SFT2D1: variants seen among roughly 807,000 people sequenced by gnomAD.
The protein encoded by SFT2D1 is vesicle transport protein SFT2A.
Under a neutral mutation model 28.1 loss-of-function variants are expected in SFT2D1, and 24 were observed. That is an observed-to-expected ratio of 0.85 (90% CI 0.62 to 1.20). The LOEUF (loss-of-function observed/expected upper bound fraction) is 1.20. Among genes scored for constraint, SFT2D1 ranks in the 50% most tolerant of loss-of-function variants. SFT2D1 has a pLI of 0.00. For missense variants in SFT2D1, 181 were observed against 190.9 expected, an observed-to-expected ratio of 0.95 and a Z score of 0.31; for synonymous variants, 82 against 73.7, an observed-to-expected ratio of 1.11 and a Z score of -0.58.
chr6:166,335,213 A>G (rs1364209602), intron 1 of SFT2D1: 8 of 611,626 alleles, frequency 1.3e-5, no homozygotes, highest in Non-Finnish European at 2.4e-5. Context: ...GGTGGGAATG[A>G]CAACTTCGGT....
At chr6:166,324,108 T>C (rs1778401564) in intron 6 of SFT2D1, 2 of 156,068 alleles carry the variant, frequency 1.3e-5, no homozygotes, top group South Asian at 2.0e-4. Flanking sequence ...AGAAGACATC[T>C]CCAGATATCA....
chr6:166,335,831 G>A (rs990637401), intron 1 of SFT2D1, among the ~76,000 whole-genome samples: 1 of 152,202 alleles, frequency 6.6e-6, no homozygotes. Flanking sequence ...CAAGAGATTT[G>A]TGAACTCAGT....
rs370358469 is a variant in SFT2D1 at position 166,330,266 on chromosome 6, A to C, written c.64-19T>G. ...CCAGGACCTTAATAAAAAATGGGAA[A>C]ATTTAGAATATAGTCTTAATTCACT... On this transcript the variant is annotated intron_variant, in intron 1 of 7. Transcript: ENST00000361731. 9 of 1,517,988 alleles carry C rather than the reference A, an allele frequency of 5.9e-6. No homozygotes were observed. Among genetic ancestry groups the C allele is most frequent in the Non-Finnish European group, 8.1e-6 (9 of 1,112,858 alleles). 94.0% of individuals were successfully genotyped at this position (1,517,988 alleles called of 1,614,324 possible).
chr6:166,324,755 T>C (rs902535629), intron 5 of SFT2D1, 160 bp from the exon 6 acceptor site: 42 of 650,008 alleles, frequency 6.5e-5, no homozygotes, highest in Non-Finnish European at 6.2e-5. Context: ...ATCTGAAACT[T>C]TAAAACCCAA....
chr6:166,321,642 AT>A (rs755687160), intron 7 of SFT2D1, among the ~76,000 whole-genome samples: 1 of 152,218 alleles, frequency 6.6e-6, no homozygotes, highest in Non-Finnish European at 1.5e-5. Context: ...ATTAAAGACA[AT>A]TTTGCTGTTT....
intron 7 of SFT2D1, among the ~76,000 whole-genome samples, chr6:166,321,783 T>C (rs1220448980): frequency 1.3e-5 from 2 of 152,262 alleles, no homozygotes; most frequent in African/African-American, 4.8e-5. Context: ...AATACATTTC[T>C]CTGGAAAAAT....
chr6:166,342,470 C>G lies in SFT2D1; in HGVS notation c.12G>C (p.Leu4=), dbSNP rs770925281. 3 of 1,555,536 alleles carry G rather than the reference C, an allele frequency of 1.9e-6. 1 individual carries two copies. The South Asian group carries it at 3.6e-5, about 18-fold the overall frequency. Residue 4 remains leucine (L), a synonymous_variant, in exon 1 of 8, where the codon CTG becomes CTC. Coordinates refer to ENST00000361731, the MANE Select transcript of SFT2D1 (RefSeq NM_145169.3). ...CGTCCTGGCCGCTCAGGACTCGCCG[C>G]AGCTTCTCCATGGCCCTGTTACAGG... MEK[L]RRVLSGQDDE...
At chr6:166,325,620 C>T (rs1778430907) in intron 5 of SFT2D1, among the ~76,000 whole-genome samples, 1 of 152,248 alleles carries the variant, frequency 6.6e-6, no homozygotes, top group South Asian at 2.1e-4. Flanking sequence ...ACTGCAGACT[C>T]ACAGCGCACC....
chr6:166,331,798 T>C (rs1290521830), intron 1 of SFT2D1, among the ~76,000 whole-genome samples: 1 of 152,252 alleles, frequency 6.6e-6, no homozygotes, highest in Non-Finnish European at 1.5e-5. Flanking sequence ...ATATAACTTT[T>C]ATTTGTCAAT....
intron 1 of SFT2D1, among the ~76,000 whole-genome samples, chr6:166,340,558 T>C (rs1468253410): frequency 6.6e-6 from 1 of 152,200 alleles, no homozygotes; most frequent in Non-Finnish European, 1.5e-5. Flanking sequence ...TGTATCTGCC[T>C]TGGAGGCTTT....
intron 6 of SFT2D1, 37 bp from the exon 7 acceptor site, chr6:166,322,923 G>A (rs1340194408): frequency 6.3e-7 from 1 of 1,578,896 alleles, no homozygotes; most frequent in Admixed American, 1.7e-5. Context: ...ATCTTCATCT[G>A]AATGATGGTT....
chr6:166,340,970 T>C (rs1474216001), intron 1 of SFT2D1, among the ~76,000 whole-genome samples: 2 of 152,192 alleles, frequency 1.3e-5, no homozygotes, highest in African/African-American at 2.4e-5. Context: ...ATAAGTGATA[T>C]TACCTTTGCA....
intron 1 of SFT2D1, chr6:166,335,161 A>G: frequency 1.6e-6 from 1 of 618,362 alleles, no homozygotes; most frequent in South Asian, 1.4e-5. Flanking sequence ...AAGAGGTCGA[A>G]GTGCTTCTGG....
At position 166,335,196 on chromosome 6, in the gene SFT2D1, T is replaced by A. The variant is rs552681597; in HGVS notation, c.64-4949A>T. The A allele has an allele frequency of 1.3e-3, 824 of 615,862 alleles. 8 individuals are homozygous for A. Among genetic ancestry groups the A allele is most frequent in the African/African-American group, 0.013 (714 of 54,304 alleles). 38.1% of individuals were successfully genotyped at this position (615,862 alleles called of 1,614,324 possible). ...GAAACTTTGGTGGTGGTTGTGGAGG[T>A]GGTTTTGGTGGGAATGACAACTTCG... On this transcript the variant is annotated intron_variant, in intron 1 of 7. Coordinates refer to ENST00000361731, the MANE Select transcript of SFT2D1 (RefSeq NM_145169.3).
chr6:166,338,851 C>T (rs1778715015), intron 1 of SFT2D1, among the ~76,000 whole-genome samples: 1 of 152,104 alleles, frequency 6.6e-6, no homozygotes, highest in Non-Finnish European at 1.5e-5. Flanking sequence ...CCAGGCATCT[C>T]GAAGGAGAGG....
At position 166,328,376 on chromosome 6, in the gene SFT2D1, G is replaced by C; in HGVS notation, c.234-19C>G. 7.0e-7 allele frequency: 1 copy of C among 1,431,088 alleles called. No individual in the cohort carries two copies. The highest frequency in any genetic ancestry group is 9.5e-7 in the Non-Finnish European group (1 of 1,048,038). 88.6% of individuals were successfully genotyped at this position (1,431,088 alleles called of 1,614,324 possible). The stretch of plus-strand genomic sequence containing the variant: ...GCATGTACTATTTGAAACAAATAAA[G>C]TGACTGAGGTACAGGTCTACTAATT... On this transcript the variant is annotated intron_variant, in intron 3 of 7. Transcript: ENST00000361731.
At chr6:166,336,960 T>C (rs1778667652) in intron 1 of SFT2D1, among the ~76,000 whole-genome samples, 1 of 152,140 alleles carries the variant, frequency 6.6e-6, no homozygotes, top group Non-Finnish European at 1.5e-5. Context: ...GGGATTAAGT[T>C]TCAACATAGG....
intron 1 of SFT2D1, among the ~76,000 whole-genome samples, chr6:166,336,571 C>A (rs1220780479): frequency 6.6e-6 from 1 of 152,140 alleles, no homozygotes; most frequent in Admixed American, 6.5e-5. Flanking sequence ...GCAGATTCGG[C>A]GTCTGGTGAG....
chr6:166,323,245 C>A, intron 6 of SFT2D1: 1 of 190,958 alleles, frequency 5.2e-6, no homozygotes. Context: ...TTATTAGTTA[C>A]AAATTAGGCA....
Sources: allele counts gnomAD v4.1 joint callset (sites outside exome capture counted in the v4.1 genomes callset), GRCh38; gene constraint gnomAD v4.1.1; transcripts MANE v1.5; gene names NCBI Gene and HGNC (gene_info 2026-07-23, HGNC 2026-07-21).